Variants in CMSS1 observed in about 807,000 individuals in gnomAD.
The protein encoded by CMSS1 is cms1 ribosomal small subunit homolog.
Under a neutral mutation model 43.5 loss-of-function variants are expected in CMSS1, and 33 were observed. The ratio of observed to expected loss-of-function variants is 0.76; its 90% CI spans 0.57 to 1.01. CMSS1 has a LOEUF of 1.01. Ranked by LOEUF, CMSS1 falls within the 50% of genes least tolerant of loss-of-function variation. CMSS1 has a pLI of 0.00. For synonymous variants in CMSS1, 115 were observed against 117.2 expected (o/e 0.98, Z 0.12); for missense variants, 313 against 326.4 (o/e 0.96, Z 0.32).
At chr3:99,925,873 C>T in intron 1 of CMSS1, 1 of 985,388 alleles carries the variant, frequency 1.0e-6, no homozygotes. Context: ...TTTATCAGCT[C>T]CTGGCCTTGA....
At chr3:100,175,745 G>A (rs2067143016) in intron 8 of CMSS1, among the ~76,000 whole-genome samples, 1 of 152,172 alleles carries the variant, frequency 6.6e-6, no homozygotes, top group Non-Finnish European at 1.5e-5. Flanking sequence ...CACATTCCCT[G>A]AGGTCCCCTT....
intron 1 of CMSS1, among the ~76,000 whole-genome samples, chr3:99,983,851 C>T (rs1709247776): frequency 6.6e-6 from 1 of 151,898 alleles, no homozygotes; most frequent in African/African-American, 2.4e-5. Context: ...ATGAAATAAA[C>T]TTATAATGTA....
intron 1 of CMSS1, among the ~76,000 whole-genome samples, chr3:99,960,448 C>G (rs1219535186): frequency 6.6e-6 from 1 of 152,188 alleles, no homozygotes; most frequent in East Asian, 1.9e-4. Flanking sequence ...TCCCTACCCA[C>G]AGGGGAAAAA....
intron 1 of CMSS1, among the ~76,000 whole-genome samples, chr3:100,031,530 C>T (rs1407156287): frequency 3.9e-5 from 6 of 152,052 alleles, no homozygotes; most frequent in Non-Finnish European, 5.9e-5. Context: ...AGCCACGTTA[C>T]AGAACTAGAA....
chr3:100,002,521 C>T (rs1008499346), intron 1 of CMSS1, among the ~76,000 whole-genome samples: 3 of 152,112 alleles, frequency 2.0e-5, no homozygotes, highest in African/African-American at 7.2e-5. Context: ...CTAGTAATTC[C>T]GAGTAGGATG....
intron 1 of CMSS1, among the ~76,000 whole-genome samples, chr3:100,113,346 A>G (rs1037250972): frequency 2.0e-5 from 3 of 152,166 alleles, no homozygotes; most frequent in South Asian, 2.1e-4. Context: ...ATCATTTCCC[A>G]TTTATATCCA....
At chr3:100,170,046 G>A (rs1378281342) in intron 6 of CMSS1, among the ~76,000 whole-genome samples, 1 of 152,162 alleles carries the variant, frequency 6.6e-6, no homozygotes, top group Non-Finnish European at 1.5e-5. Context: ...GGCACAACAA[G>A]CCCTATTCAT....
chr3:100,087,405 G>A (rs1015500964), intron 1 of CMSS1, among the ~76,000 whole-genome samples: 1 of 152,150 alleles, frequency 6.6e-6, no homozygotes, highest in African/African-American at 2.4e-5. Context: ...GGTTGACTGG[G>A]TTTTGTTTTC....
Position 100,131,621 on chromosome 3 carries a change from C to G in CMSS1, c.65-15352C>G, listed in dbSNP as rs1009214145. Among the ~76,000 whole-genome samples, 4 of 152,248 alleles carry G rather than the reference C, an allele frequency of 2.6e-5. No homozygotes were observed. The South Asian group carries it at 6.2e-4, about 24-fold the overall frequency. The stretch of plus-strand genomic sequence containing the variant: ...TCCCAGTTCTCTTGGAGATTTTGAC[C>G]TAAATCTGGTTCTCGCTTCCTTGCT... On this transcript the variant is annotated intron_variant, in intron 1 of 9. Transcript: ENST00000421999.
intron 1 of CMSS1, among the ~76,000 whole-genome samples, chr3:99,926,705 C>T (rs551638724): frequency 3.5e-4 from 53 of 152,222 alleles, no homozygotes; most frequent in African/African-American, 1.2e-3. Flanking sequence ...AACAGTATTT[C>T]CTTGGAGAGC....
chr3:99,928,961 C>T (rs2107660349), intron 1 of CMSS1, among the ~76,000 whole-genome samples: 1 of 152,332 alleles, frequency 6.6e-6, no homozygotes, highest in South Asian at 2.1e-4. Context: ...AGTCTCTTCT[C>T]TCATGAGATA....
At chr3:99,895,072 C>T (rs1363885039) in intron 1 of CMSS1, among the ~76,000 whole-genome samples, 2 of 151,714 alleles carry the variant, frequency 1.3e-5, no homozygotes, top group Non-Finnish European at 2.9e-5. Context: ...TACTCTTGCC[C>T]TCCAGGTGCC....
At chr3:100,066,090 T>C (rs111390214) in intron 1 of CMSS1, among the ~76,000 whole-genome samples, 83 of 152,346 alleles carry the variant, frequency 5.4e-4, no homozygotes, top group African/African-American at 1.9e-3. Flanking sequence ...AGAGATGGTC[T>C]TTACTCTTTA....
chr3:99,905,613 T>C (rs1706589653), intron 1 of CMSS1, among the ~76,000 whole-genome samples: 1 of 152,222 alleles, frequency 6.6e-6, no homozygotes, highest in African/African-American at 2.4e-5. Context: ...CTTTTACATA[T>C]GTGTGTACTA....
At chr3:99,960,077 G>A (rs1401418581) in intron 1 of CMSS1, among the ~76,000 whole-genome samples, 1 of 152,092 alleles carries the variant, frequency 6.6e-6, no homozygotes, top group African/African-American at 2.4e-5. Flanking sequence ...GCCTCTCAAT[G>A]TTATAACGAT....
At chr3:99,963,491 G>GT in intron 1 of CMSS1, among the ~76,000 whole-genome samples, 1 of 152,194 alleles carries the variant, frequency 6.6e-6, no homozygotes, top group South Asian at 2.1e-4. Flanking sequence ...GGGAGCAACT[G>GT]CTTGAAAGTA....
chr3:99,879,331 G>T (rs1329389227), intron 1 of CMSS1, among the ~76,000 whole-genome samples: 2 of 152,146 alleles, frequency 1.3e-5, no homozygotes, highest in Non-Finnish European at 2.9e-5. Flanking sequence ...CAGTTTCCCT[G>T]GTTCGAGCTA....
At chr3:100,061,404 G>A (rs1213428014) in intron 1 of CMSS1, among the ~76,000 whole-genome samples, 7 of 152,168 alleles carry the variant, frequency 4.6e-5, no homozygotes, top group Admixed American at 2.0e-4. Flanking sequence ...TAAATGTTTG[G>A]CTGATGTAGG....
At chr3:99,999,346 A>G (rs1020788080) in intron 1 of CMSS1, among the ~76,000 whole-genome samples, 1 of 152,214 alleles carries the variant, frequency 6.6e-6, no homozygotes, top group African/African-American at 2.4e-5. Flanking sequence ...GAAGGCGTGT[A>G]TATTCCCTGC....
Sources: gnomAD v4.1 joint callset for allele counts (sites outside exome capture counted in the v4.1 genomes callset) on GRCh38, gnomAD v4.1.1 for gene constraint, MANE v1.5 for transcripts, NCBI Gene and HGNC (gene_info 2026-07-23, HGNC 2026-07-21) for gene names.